UGT1A7: variants seen among roughly 807,000 people sequenced by gnomAD.
UGT1A7 encodes UDP-glucuronosyltransferase 1A7.
UGT1A7 carries 33 observed loss-of-function variants against 45.6 expected under a neutral mutation model. That is an observed-to-expected ratio of 0.72 (90% confidence interval 0.55 to 0.97). UGT1A7 has a LOEUF of 0.97. Among genes scored for constraint, UGT1A7 ranks in the 50% least tolerant of loss-of-function variants. The pLI is 0.00. For missense variants in UGT1A7, 684 were observed against 666.2 expected, an observed-to-expected ratio of 1.03 and a Z score of -0.29; for synonymous variants, 274 against 250.6, an observed-to-expected ratio of 1.09 and a Z score of -0.88.
intron 1 of UGT1A7, chr2:233,743,185 G>T (rs546323978): frequency 5.4e-6 from 2 of 372,628 alleles, no homozygotes; most frequent in Non-Finnish European, 1.1e-5. Flanking sequence ...ATGTGGACTG[G>T]AATTACTTGG....
intron 1 of UGT1A7, chr2:233,718,043 G>A (rs1022101837): frequency 1.5e-4 from 57 of 375,810 alleles, no homozygotes; most frequent in Non-Finnish European, 6.8e-5. Context: ...GTGAGCAGGA[G>A]CTCCCTGAAC....
intron 1 of UGT1A7, among the ~76,000 whole-genome samples, chr2:233,694,600 T>A (rs1158201480): frequency 6.6e-6 from 1 of 152,238 alleles, no homozygotes; most frequent in Non-Finnish European, 1.5e-5. Flanking sequence ...TTGAAGGGCT[T>A]CAGGCAACTC....
At position 233,760,976 on chromosome 2, in the gene UGT1A7, A is replaced by G. The variant is rs754922685; in HGVS notation, c.856-6058A>G. 3 of 1,614,218 alleles carry G rather than the reference A, an allele frequency of 1.9e-6. No individual in the cohort carries two copies. The South Asian group carries it at 3.3e-5, about 18-fold the overall frequency. On this transcript the variant is annotated intron_variant, in intron 1 of 4. Transcript: ENST00000373426. The stretch of plus-strand genomic sequence containing the variant: ...CTGTGCGACGTGGTTTATTCCCCGT[A>G]TGCAACCCTTGCCTCAGAATTCCTT...
At chr2:233,694,475 C>T (rs1176108446) in intron 1 of UGT1A7, among the ~76,000 whole-genome samples, 1 of 152,164 alleles carries the variant, frequency 6.6e-6, no homozygotes, top group Non-Finnish European at 1.5e-5. Flanking sequence ...GGTATGGCCT[C>T]TGACCTAAGA....
At chr2:233,760,175 C>T (rs2125979710) in intron 1 of UGT1A7, 1 of 1,540,768 alleles carries the variant, frequency 6.5e-7, no homozygotes, top group Non-Finnish European at 8.7e-7. Flanking sequence ...GGACTGACAG[C>T]TTTTTATAGT....
chr2:233,701,219 C>T (rs2075617264), intron 1 of UGT1A7, among the ~76,000 whole-genome samples: 1 of 152,076 alleles, frequency 6.6e-6, no homozygotes, highest in Non-Finnish European at 1.5e-5. Flanking sequence ...ATTTATAATC[C>T]TTTGGGTATA....
intron 1 of UGT1A7, among the ~76,000 whole-genome samples, chr2:233,737,441 G>A (rs780915851): frequency 1.6e-4 from 24 of 152,174 alleles, no homozygotes; most frequent in Non-Finnish European, 2.1e-4. Flanking sequence ...GGAGTGTCCC[G>A]TTTTTCCAGG....
chr2:233,718,780 A>T (rs765403855), intron 1 of UGT1A7: 4 of 1,612,996 alleles, frequency 2.5e-6, no homozygotes, highest in Non-Finnish European at 3.4e-6. Context: ...TAGCAGGCAC[A>T]GCGTGGGGTG....
At chr2:233,768,114 G>T in intron 3 of UGT1A7, 106 bp from the exon 4 acceptor site, 2 of 1,597,766 alleles carry the variant, frequency 1.3e-6, no homozygotes. Flanking sequence ...TTCTGCAAGG[G>T]CATGTGAGTA....
intron 1 of UGT1A7, among the ~76,000 whole-genome samples, chr2:233,705,253 T>C (rs2075835852): frequency 6.6e-6 from 1 of 152,224 alleles, no homozygotes; most frequent in Admixed American, 6.5e-5. Flanking sequence ...TTCAGATTAT[T>C]CTATGGGGTC....
intron 1 of UGT1A7, chr2:233,713,265 C>T: frequency 6.2e-7 from 1 of 1,614,232 alleles, no homozygotes; most frequent in Non-Finnish European, 8.5e-7. Flanking sequence ...ATTTGATCGC[C>T]TTTTGCTGGG....
chr2:233,682,970 T>C (rs1387016286), intron 1 of UGT1A7, among the ~76,000 whole-genome samples, 178 bp downstream of exon 1: 5 of 152,214 alleles, frequency 3.3e-5, no homozygotes, highest in Non-Finnish European at 7.3e-5. Flanking sequence ...AAAGCAGCTC[T>C]TGTTGATATG....
intron 1 of UGT1A7, chr2:233,747,109 G>A: frequency 7.1e-7 from 1 of 1,400,096 alleles, no homozygotes; most frequent in Non-Finnish European, 9.7e-7. Context: ...CCAATTACAT[G>A]ATGATTTGCT....
intron 1 of UGT1A7, among the ~76,000 whole-genome samples, chr2:233,705,039 G>A (rs2075818436): frequency 6.6e-6 from 1 of 152,078 alleles, no homozygotes; most frequent in Non-Finnish European, 1.5e-5. Flanking sequence ...GGGAGGCTGA[G>A]GCAGGAGAAT....
At chr2:233,741,088 C>T (rs758751982) in intron 1 of UGT1A7, among the ~76,000 whole-genome samples, 13 of 151,840 alleles carry the variant, frequency 8.6e-5, no homozygotes, top group Non-Finnish European at 1.9e-4. Flanking sequence ...TTAAAACAAA[C>T]AAGCAAACAG....
chr2:233,696,195 C>T (rs17864691), intron 1 of UGT1A7, among the ~76,000 whole-genome samples: 5,737 of 152,230 alleles, frequency 0.038, 134 homozygotes, highest in Non-Finnish European at 0.059. Flanking sequence ...ATCTGCACTC[C>T]CATGTTTATT....
At chr2:233,748,739 G>A (rs572551381) in intron 1 of UGT1A7, among the ~76,000 whole-genome samples, 1 of 151,736 alleles carries the variant, frequency 6.6e-6, no homozygotes, top group Admixed American at 6.5e-5. Flanking sequence ...ACATCTCAGA[G>A]TTCGGAAGGC....
chr2:233,760,133 A>G, intron 1 of UGT1A7: 6 of 1,369,658 alleles, frequency 4.4e-6, no homozygotes, highest in East Asian at 2.5e-5. Context: ...CACCTTCTTT[A>G]TCTCTGAAAG....
rs780660931 is a variant in UGT1A7, at chr2:233,767,955, A to C, written c.1075+19A>C. 173 of 1,614,006 alleles carry C rather than the reference A, an allele frequency of 1.1e-4. 2 individuals carry two copies. In the South Asian group the frequency reaches 1.6e-3, roughly 15 times the overall value. ...CTGCTTGGTATGTTGGGCGGATTGG[A>C]TGTATAGGTCAAACCAGGGTCAAAT... On this transcript the variant is annotated intron_variant, in intron 3 of 4. Coordinates refer to ENST00000373426, the MANE Select transcript of UGT1A7 (RefSeq NM_019077.3).
Sources: gnomAD v4.1 joint callset for allele counts (sites outside exome capture counted in the v4.1 genomes callset) on GRCh38, gnomAD v4.1.1 for gene constraint, MANE v1.5 for transcripts, NCBI Gene and HGNC (gene_info 2026-07-23, HGNC 2026-07-21) for gene names.